The following CALN1 variants were observed in gnomAD, a reference collection of about 807,000 sequenced individuals.
CALN1 encodes calneuron 1, also known as calcium-binding protein 8.
A neutral mutation model predicts 30.6 loss-of-function variants in CALN1; 17 were observed. That is an observed-to-expected ratio of 0.56 (90% CI 0.38 to 0.83). CALN1 has a LOEUF of 0.83. CALN1 is among the 40% of genes least tolerant of loss of function. The probability of loss-of-function intolerance (pLI) is 0.00; values close to 1 mark genes in which losing one functional copy is unlikely to be tolerated. For synonymous variants in CALN1, 156 were observed against 131.4 expected, an observed-to-expected ratio of 1.19 and a Z score of -1.28; for missense variants, 291 against 354.9, an observed-to-expected ratio of 0.82 and a Z score of 1.45.
intron 3 of CALN1, among the ~76,000 whole-genome samples, chr7:72,151,480 A>T (rs750909374): frequency 1.3e-5 from 2 of 152,150 alleles, no homozygotes; most frequent in Non-Finnish European, 2.9e-5. Flanking sequence ...GATGTACTTG[A>T]GGGTTGGGGC....
intron 4 of CALN1, among the ~76,000 whole-genome samples, chr7:72,089,635 C>T (rs971959372): frequency 3.3e-5 from 5 of 151,914 alleles, no homozygotes; most frequent in African/African-American, 4.8e-5. Context: ...GTGACCACTG[C>T]GCATAAAGAT....
rs1794229875 is a variant in CALN1 at position 72,233,191 on chromosome 7, AG to A, written c.244+45494del. 4.0e-5 allele frequency among the ~76,000 whole-genome samples: 6 copies of A among 150,974 alleles called. No homozygotes were observed. In the South Asian group the frequency reaches 1.3e-3, roughly 32 times the overall value. On this transcript the variant is annotated intron_variant, in intron 3 of 6. Transcript: ENST00000395275. ...ATACAATAAAGATCATTCTGTAAAA[AG>A]GAAAAAAAAAAAAAAAGAAGGCACT...
intron 3 of CALN1, among the ~76,000 whole-genome samples, chr7:72,169,164 ATAAG>A (rs756473066): frequency 9.9e-5 from 15 of 151,712 alleles, no homozygotes; most frequent in African/African-American, 2.4e-4. Context: ...GTGGCAGGAG[ATAAG>A]TAAGTATTGA....
chr7:71,953,915 G>T (rs543053981), intron 5 of CALN1, among the ~76,000 whole-genome samples: 1 of 152,228 alleles, frequency 6.6e-6, no homozygotes, highest in African/African-American at 2.4e-5. Flanking sequence ...AGGCAAGGTG[G>T]GGTTGGTGGT....
At chr7:71,956,280 G>T (rs2129524701) in intron 5 of CALN1, among the ~76,000 whole-genome samples, 1 of 150,296 alleles carries the variant, frequency 6.7e-6, no homozygotes, top group African/African-American at 2.4e-5. Flanking sequence ...GAGCCACTGT[G>T]CCCAGCCCGT....
intron 5 of CALN1, among the ~76,000 whole-genome samples, chr7:71,983,023 G>C (rs1798479791): frequency 6.6e-6 from 1 of 152,158 alleles, no homozygotes; most frequent in Non-Finnish European, 1.5e-5. Flanking sequence ...GGGGCAGCCA[G>C]CTTCCCCTCA....
intron 3 of CALN1, among the ~76,000 whole-genome samples, chr7:72,249,473 T>C (rs1350406536): frequency 6.6e-6 from 1 of 151,598 alleles, no homozygotes; most frequent in Non-Finnish European, 1.5e-5. Flanking sequence ...GAAGGCACAC[T>C]TTTCCCCCAG....
chr7:71,820,425 G>A (rs1051350217), intron 5 of CALN1, among the ~76,000 whole-genome samples: 6 of 152,164 alleles, frequency 3.9e-5, no homozygotes, highest in Non-Finnish European at 7.3e-5. Context: ...ACCTCCTGAG[G>A]GCTGTGTCAT....
At position 72,288,643 on chromosome 7, in the gene CALN1, G is replaced by T. The variant is rs79179580; in HGVS notation, c.120-9833C>A. 3.7e-3 allele frequency among the ~76,000 whole-genome samples: 565 copies of T among 152,314 alleles called. 4 individuals carry two copies. The highest frequency in any genetic ancestry group is 6.3e-3 in the Non-Finnish European group (428 of 68,024). On this transcript the variant is annotated intron_variant, in intron 2 of 6. Transcript: ENST00000395275. ...GCCTTGCCAAAACTTGGTATTAGCA[G>T]ACTGTTTCATTTTTAATTGGATTTC...
At chr7:72,065,143 A>T (rs1437462482) in intron 4 of CALN1, among the ~76,000 whole-genome samples, 2 of 115,692 alleles carry the variant, frequency 1.7e-5, no homozygotes, top group Non-Finnish European at 4.1e-5. Context: ...TTTATATTTT[A>T]AAATATTAAT....
At chr7:72,189,371 A>G (rs12699125) in intron 3 of CALN1, among the ~76,000 whole-genome samples, 67,012 of 152,042 alleles carry the variant, frequency 0.44, 16,005 homozygotes, top group East Asian at 0.96. Flanking sequence ...TTTCTCAAGC[A>G]ACAAAACATT....
chr7:72,036,325 T>C (rs764553315), intron 4 of CALN1, among the ~76,000 whole-genome samples: 18 of 152,174 alleles, frequency 1.2e-4, no homozygotes, highest in East Asian at 5.8e-4. Flanking sequence ...GTGGGTCTCT[T>C]TGAGTTCATC....
intron 2 of CALN1, among the ~76,000 whole-genome samples, chr7:72,280,236 G>A (rs1332290147): frequency 6.6e-6 from 1 of 152,076 alleles, no homozygotes; most frequent in South Asian, 2.1e-4. Context: ...ACAACAACTG[G>A]GACAACTCTC....
At chr7:72,234,674 G>A (rs1794355269) in intron 3 of CALN1, among the ~76,000 whole-genome samples, 1 of 152,116 alleles carries the variant, frequency 6.6e-6, no homozygotes, top group Non-Finnish European at 1.5e-5. Flanking sequence ...TCGAACTCCT[G>A]ACTGCAAGTG....
At chr7:71,882,876 G>GTGTGTGTGTGTGTGTGTGTGTT (rs1792665764) in intron 5 of CALN1, among the ~76,000 whole-genome samples, 1 of 150,824 alleles carries the variant, frequency 6.6e-6, no homozygotes, top group Non-Finnish European at 1.5e-5. Flanking sequence ...GTGTGTGTGT[G>GTGTGTGTGTGTGTGTGTGTGTT]TGTGTGTGTG....
the CALN1 span, among the ~76,000 whole-genome samples, chr7:72,503,203 G>T: frequency 1.3e-5 from 2 of 152,120 alleles, no homozygotes; most frequent in Non-Finnish European, 2.9e-5. Flanking sequence ...GTTGTTCTGC[G>T]TGTCAAATGG....
intron 1 of CALN1, among the ~76,000 whole-genome samples, chr7:72,410,177 A>G (rs1298289022): frequency 6.6e-6 from 1 of 152,288 alleles, no homozygotes; most frequent in South Asian, 2.1e-4. Context: ...TAAGCCCTGC[A>G]TTTGCTGGAA....
intron 3 of CALN1, among the ~76,000 whole-genome samples, chr7:72,110,656 C>CTTT (rs111431336): frequency 3.6e-5 from 5 of 139,762 alleles, no homozygotes; most frequent in Non-Finnish European, 7.7e-5. Context: ...ACCTCACTAA[C>CTTT]TTTTTTTTTT....
intron 3 of CALN1, among the ~76,000 whole-genome samples, chr7:72,240,548 G>C (rs1562783503): frequency 1.3e-5 from 2 of 152,122 alleles, no homozygotes; most frequent in Non-Finnish European, 2.9e-5. Flanking sequence ...AGATCAACTT[G>C]TTACTGCATG....
Sources: allele counts gnomAD v4.1 joint callset (sites outside exome capture counted in the v4.1 genomes callset), GRCh38; gene constraint gnomAD v4.1.1; transcripts MANE v1.5; gene names NCBI Gene and HGNC (gene_info 2026-07-23, HGNC 2026-07-21).